Variants in SHROOM3 observed in about 807,000 individuals in gnomAD.
SHROOM3 encodes the protein shroom family member 3.
Under a neutral mutation model 138.6 loss-of-function variants are expected in SHROOM3, and 47 were observed. The observed-to-expected ratio is 0.34, with a 90% CI of 0.27 to 0.43. The LOEUF (loss-of-function observed/expected upper bound fraction) is 0.43. Among genes scored for constraint, SHROOM3 ranks in the 20% least tolerant of loss-of-function variants. The pLI is 1.00. For synonymous variants in SHROOM3, 1,062 were observed against 1,063.3 expected (o/e 1.00, Z 0.02); for missense variants, 2,491 against 2,596.5 (o/e 0.96, Z 0.88).
At chr4:76,437,536 G>C (rs1490608494) in intron 1 of SHROOM3, among the ~76,000 whole-genome samples, 1 of 152,168 alleles carries the variant, frequency 6.6e-6, no homozygotes, top group Non-Finnish European at 1.5e-5. Context: ...CTTCATTCCA[G>C]ACAGGTTTTT....
chr4:76,591,434 T>C (rs1440289901), intron 2 of SHROOM3, among the ~76,000 whole-genome samples: 1 of 152,224 alleles, frequency 6.6e-6, no homozygotes, highest in African/African-American at 2.4e-5. Context: ...CCTTCACTTT[T>C]TAGTTTGGCA....
intron 3 of SHROOM3, among the ~76,000 whole-genome samples, chr4:76,720,113 G>A (rs893741839): frequency 8.9e-5 from 13 of 146,672 alleles, no homozygotes; most frequent in Non-Finnish European, 1.9e-4. Context: ...AGATATTAAT[G>A]AGGGAATTAT....
chr4:76,675,887 GGATA>G (rs1366766867), intron 2 of SHROOM3, among the ~76,000 whole-genome samples: 3 of 152,176 alleles, frequency 2.0e-5, no homozygotes, highest in East Asian at 1.9e-4. Flanking sequence ...CGTAGTTAGA[GGATA>G]GATAGATAGG....
intron 2 of SHROOM3, among the ~76,000 whole-genome samples, chr4:76,658,092 T>C (rs13136822): frequency 6.6e-6 from 1 of 152,228 alleles, no homozygotes; most frequent in Non-Finnish European, 1.5e-5. Flanking sequence ...TGCTCTTCCA[T>C]GCATTTTATA....
At chr4:76,519,243 G>A (rs1269138263) in intron 1 of SHROOM3, among the ~76,000 whole-genome samples, 1 of 152,080 alleles carries the variant, frequency 6.6e-6, no homozygotes, top group Non-Finnish European at 1.5e-5. Flanking sequence ...AAAGGAGGGT[G>A]CTGGATAAAC....
intron 1 of SHROOM3, among the ~76,000 whole-genome samples, chr4:76,459,305 A>G (rs912881445): frequency 3.3e-5 from 5 of 152,218 alleles, no homozygotes; most frequent in African/African-American, 7.2e-5. Context: ...GGAGTTTTTA[A>G]CGCTAGGTTT....
chr4:76,746,572 C>T (rs1001526284), intron 5 of SHROOM3, among the ~76,000 whole-genome samples: 22 of 152,280 alleles, frequency 1.4e-4, no homozygotes, highest in African/African-American at 5.3e-4. Context: ...TGATGCATTT[C>T]TCAGAACATA....
intron 1 of SHROOM3, among the ~76,000 whole-genome samples, chr4:76,451,325 A>G (rs948997813): frequency 6.6e-6 from 1 of 152,234 alleles, no homozygotes; most frequent in Admixed American, 6.5e-5. Flanking sequence ...CATGTCACAG[A>G]GTCCTAATTA....
intron 2 of SHROOM3, among the ~76,000 whole-genome samples, chr4:76,643,315 C>G (rs962496529): frequency 1.3e-5 from 2 of 151,922 alleles, no homozygotes; most frequent in Non-Finnish European, 2.9e-5. Flanking sequence ...TCAATTCATC[C>G]TCAGAACACC....
chr4:76,577,393 A>G (rs1447008954), intron 2 of SHROOM3, among the ~76,000 whole-genome samples: 1 of 152,190 alleles, frequency 6.6e-6, no homozygotes, highest in African/African-American at 2.4e-5. Context: ...ACTAGGAATT[A>G]TTCTAAGTCC....
At chr4:76,562,046 A>C (rs2110033217) in intron 2 of SHROOM3, among the ~76,000 whole-genome samples, 1 of 152,282 alleles carries the variant, frequency 6.6e-6, no homozygotes, top group African/African-American at 2.4e-5. Context: ...CAAAACAATA[A>C]AAAAACAAAG....
chr4:76,508,852 G>C (rs1164875295), intron 1 of SHROOM3, among the ~76,000 whole-genome samples: 1 of 152,216 alleles, frequency 6.6e-6, no homozygotes, highest in Non-Finnish European at 1.5e-5. Flanking sequence ...AGTCTGGGAA[G>C]TCCAGGATCA....
At position 76,567,487 on chromosome 4, in the gene SHROOM3, A is replaced by C. The variant is rs566340621; in HGVS notation, c.323+11724A>C. 3.2e-4 allele frequency among the ~76,000 whole-genome samples: 48 copies of C among 152,228 alleles called. 3 individuals carry two copies. The South Asian group carries it at 8.7e-3, about 28-fold the overall frequency. On this transcript the variant is annotated intron_variant, in intron 2 of 10. Coordinates refer to ENST00000296043, the MANE Select transcript of SHROOM3 (RefSeq NM_020859.4). The stretch of plus-strand genomic sequence containing the variant: ...AACACGATAAAACCCTGTCTCTATT[A>C]AAAATACAAAAAATTAGCCGGGCGT...
chr4:76,524,980 G>T (rs924892647), intron 1 of SHROOM3, among the ~76,000 whole-genome samples: 5 of 152,172 alleles, frequency 3.3e-5, no homozygotes, highest in African/African-American at 1.2e-4. Flanking sequence ...GCAATTGCTA[G>T]ATCATATGTT....
At chr4:76,775,967 ACTT>A (rs973320476) in intron 10 of SHROOM3, among the ~76,000 whole-genome samples, 9 of 151,766 alleles carry the variant, frequency 5.9e-5, no homozygotes, top group African/African-American at 9.7e-5. Context: ...CCATATAATT[ACTT>A]CTTTTCTCTG....
intron 1 of SHROOM3, among the ~76,000 whole-genome samples, chr4:76,487,634 T>G (rs1731760407): frequency 6.6e-6 from 1 of 150,826 alleles, no homozygotes; most frequent in African/African-American, 2.5e-5. Context: ...AGCCGGTAGG[T>G]GAACCACAGA....
chr4:76,497,018 A>G (rs1308467033), intron 1 of SHROOM3, among the ~76,000 whole-genome samples: 1 of 152,234 alleles, frequency 6.6e-6, no homozygotes, highest in African/African-American at 2.4e-5. Context: ...GGTGCCTTAC[A>G]TAAAGAATGT....
intron 1 of SHROOM3, among the ~76,000 whole-genome samples, chr4:76,510,769 A>G (rs2110004847): frequency 6.6e-6 from 1 of 152,324 alleles, no homozygotes; most frequent in South Asian, 2.1e-4. Context: ...CCAGAGAGGT[A>G]GTGTGGCACA....
chr4:76,670,042 C>G (rs1718833367), intron 2 of SHROOM3, among the ~76,000 whole-genome samples: 1 of 152,330 alleles, frequency 6.6e-6, no homozygotes, highest in Non-Finnish European at 1.5e-5. Context: ...AGCTTGAAAT[C>G]TGGGCATCTT....
Sources: allele counts gnomAD v4.1 joint callset (sites outside exome capture counted in the v4.1 genomes callset), GRCh38; gene constraint gnomAD v4.1.1; transcripts MANE v1.5; gene names NCBI Gene and HGNC (gene_info 2026-07-23, HGNC 2026-07-21).